The following KIRREL3 variants were observed in gnomAD, a reference collection of about 807,000 sequenced individuals.
The protein encoded by KIRREL3 is kirre like nephrin family adhesion molecule 3, also known as kin of IRRE-like protein 3.
Under a neutral mutation model 89.7 loss-of-function variants are expected in KIRREL3, and 36 were observed. The observed-to-expected ratio is 0.40, with a 90% CI of 0.31 to 0.53. The LOEUF (loss-of-function observed/expected upper bound fraction) is 0.53, where lower values mean the gene tolerates loss of function less well. Among genes scored for constraint, KIRREL3 ranks in the 20% least tolerant of loss-of-function variants. The probability of loss-of-function intolerance (pLI) is 0.49; values close to 1 mark genes in which losing one functional copy is unlikely to be tolerated. For synonymous variants in KIRREL3, 445 were observed against 441.4 expected (o/e 1.01, Z -0.10); for missense variants, 864 against 1,056.6 (o/e 0.82, Z 2.53).
At chr11:126,482,442 T>A (rs1036326837) in intron 4 of KIRREL3, among the ~76,000 whole-genome samples, 1 of 152,236 alleles carries the variant, frequency 6.6e-6, no homozygotes, top group African/African-American at 2.4e-5. Flanking sequence ...CTGCTTAGCT[T>A]CTCTGTGCCT....
At chr11:126,435,897 G>A (rs1167404451) in intron 12 of KIRREL3, among the ~76,000 whole-genome samples, 2 of 151,940 alleles carry the variant, frequency 1.3e-5, no homozygotes, top group African/African-American at 4.8e-5. Flanking sequence ...CAGAGGCCCA[G>A]GCCCAGCTGA....
At chr11:126,600,516 C>G (rs1385958666) in intron 1 of KIRREL3, among the ~76,000 whole-genome samples, 2 of 152,156 alleles carry the variant, frequency 1.3e-5, no homozygotes, top group East Asian at 3.9e-4. Context: ...ACTCTAGGTC[C>G]TTAAACCTTT....
chr11:126,930,344 A>C (rs1482479680), intron 1 of KIRREL3, among the ~76,000 whole-genome samples: 4 of 152,124 alleles, frequency 2.6e-5, no homozygotes, highest in Non-Finnish European at 5.9e-5. Context: ...CTCTCCCACC[A>C]TTCTTTGCGA....
rs1425261146 is a variant in KIRREL3, at chr11:126,441,697, A to G, written c.1253-1148T>C. 6.6e-6 allele frequency among the ~76,000 whole-genome samples: 1 copy of G among 152,238 alleles called. No individual in the cohort carries two copies. The highest frequency in any genetic ancestry group is 1.9e-4 in the East Asian group (1 of 5,202). On this transcript the variant is annotated intron_variant, in intron 10 of 16. Transcript: ENST00000525144. This position sits in a 1 kb window ranked among gnomAD's most constrained non-coding sequence, Gnocchi z 5.0. ...TGCTGTTTATTAGCCACCTTAATTA[A>G]AGCAGATTTGCATTTCTATGAGTAG...
chr11:126,834,715 G>A (rs1266890044), intron 1 of KIRREL3, among the ~76,000 whole-genome samples: 2 of 152,200 alleles, frequency 1.3e-5, no homozygotes, highest in Admixed American at 6.5e-5. Context: ...CCTCACCGGC[G>A]CACCTCATGC....
chr11:126,747,734 G>A lies in KIRREL3; in HGVS notation c.56-184822C>T, dbSNP rs898129306. 9.2e-5 allele frequency among the ~76,000 whole-genome samples: 14 copies of A among 152,212 alleles called. No homozygotes were observed. Among genetic ancestry groups the A allele is most frequent in the African/African-American group, 2.6e-4 (11 of 41,520 alleles). ...GCCTGTCACAGAGTAAGCACTCAGC[G>A]CCGTGAATGAAGGAATGGGGTGAGG... On this transcript the variant is annotated intron_variant, in intron 1 of 16. Coordinates refer to ENST00000525144, the MANE Select transcript of KIRREL3 (RefSeq NM_032531.4). This position sits in a 1 kb window ranked among gnomAD's most constrained non-coding sequence, Gnocchi z 4.7.
At position 126,817,732 on chromosome 11, in the gene KIRREL3, G is replaced by A. The variant is rs1040786756; in HGVS notation, c.55+182723C>T. On this transcript the variant is annotated intron_variant, in intron 1 of 16. Transcript: ENST00000525144. This position sits in a 1 kb window ranked among gnomAD's most constrained non-coding sequence, Gnocchi z 5.7. ...CCCTAACTTGTTCACATCCTGTCAC[G>A]CTAGCTAATGATAGCATTTGTAGGG... Among the ~76,000 whole-genome samples the A allele has an allele frequency of 3.3e-5, 5 of 152,204 alleles. No individual in the cohort carries two copies. Among genetic ancestry groups the A allele is most frequent in the Admixed American group, 6.5e-5 (1 of 15,286 alleles).
chr11:126,426,370 G>A (rs771634733), intron 15 of KIRREL3, among the ~76,000 whole-genome samples: 14 of 152,182 alleles, frequency 9.2e-5, no homozygotes, highest in Non-Finnish European at 1.8e-4. Flanking sequence ...GCTTGTCTCT[G>A]GGTCCTCCCA....
At position 126,489,820 on chromosome 11, in the gene KIRREL3, A is replaced by T. The variant is rs1490890608; in HGVS notation, c.434-16354T>A. 1.3e-5 allele frequency among the ~76,000 whole-genome samples: 2 copies of T among 151,996 alleles called. No individual in the cohort carries two copies. The highest frequency in any genetic ancestry group is 2.9e-5 in the Non-Finnish European group (2 of 67,994). ...TTGATGAGCAACTCACTTGCCATGG[A>T]AAGTGTGTTGTTCATGGCGGATCCT... On this transcript the variant is annotated intron_variant, in intron 4 of 16. Transcript: ENST00000525144. This position sits in a 1 kb window ranked among gnomAD's most constrained non-coding sequence, Gnocchi z 5.5.
In KIRREL3 at chr11:126,880,613, T is replaced by C. The variant is rs570204145; in HGVS notation, c.55+119842A>G. Among the ~76,000 whole-genome samples the C allele has an allele frequency of 1.6e-3, 236 of 151,152 alleles. 1 individual carries two copies. Among genetic ancestry groups the C allele is most frequent in the Middle Eastern group, 0.01 (3 of 294 alleles). On this transcript the variant is annotated intron_variant, in intron 1 of 16. Transcript: ENST00000525144. ...AGAAACCAAGGTAACAATATCCTAT[T>C]TTTCCTTGTTGTCAAAAGTTGTGGT...
chr11:126,748,459 G>A lies in KIRREL3; in HGVS notation c.56-185547C>T, dbSNP rs1053898426. 1.3e-5 allele frequency among the ~76,000 whole-genome samples: 2 copies of A among 152,208 alleles called. No individual in the cohort carries two copies. The highest frequency in any genetic ancestry group is 4.8e-5 in the African/African-American group (2 of 41,456). The stretch of plus-strand genomic sequence containing the variant: ...ATCAATAATTCTTGAGCTTGCCTAC[G>A]GCGAGAATTATTCCCAGCAGGCGTT... On this transcript the variant is annotated intron_variant, in intron 1 of 16. Transcript: ENST00000525144. The surrounding 1 kb of genome is among the most constrained non-coding windows in gnomAD (Gnocchi z 4.6).
rs1158659245 is a variant in KIRREL3, at chr11:126,995,163, A to C, written c.55+5292T>G. ...ACGAATAGCTGTGATGGGATATGAA[A>C]TCCAAGGGAACTGTTAGCCCCCCAG... On this transcript the variant is annotated intron_variant, in intron 1 of 16. Coordinates refer to ENST00000525144, the MANE Select transcript of KIRREL3 (RefSeq NM_032531.4). The surrounding 1 kb of genome is among the most constrained non-coding windows in gnomAD (Gnocchi z 6.5). The C allele has an allele frequency of 2.2e-6, 1 of 455,730 alleles. No homozygotes were observed. The highest frequency in any genetic ancestry group is 2.4e-5 in the Admixed American group (1 of 42,534). 28.2% of individuals were successfully genotyped at this position (455,730 alleles called of 1,614,324 possible). A position where few individuals can be genotyped will look rare whatever the true frequency, so the allele number is the denominator to read the frequency against.
rs1948414077 is a variant in KIRREL3 at position 126,940,774 on chromosome 11, C to T, written c.55+59681G>A. On this transcript the variant is annotated intron_variant, in intron 1 of 16. Coordinates refer to ENST00000525144, the MANE Select transcript of KIRREL3 (RefSeq NM_032531.4). This position sits in a 1 kb window ranked among gnomAD's most constrained non-coding sequence, Gnocchi z 4.6. ...TTAGCCTTGTCCCTACCTCTTTACTCCTCTGTAGGCAGTAATTCTTTTTTC... is the reference window on the plus strand; with the variant it reads ...TTAGCCTTGTCCCTACCTCTTTACTTCTCTGTAGGCAGTAATTCTTTTTTC... The T allele has an allele frequency of 6.6e-6, 1 of 152,194 alleles. No individual in the cohort carries two copies. Among genetic ancestry groups the T allele is most frequent in the Non-Finnish European group, 1.5e-5 (1 of 68,068 alleles). 9.4% of individuals were successfully genotyped at this position (152,194 alleles called of 1,614,324 possible).
At chr11:126,836,962 C>T (rs1001992154) in intron 1 of KIRREL3, among the ~76,000 whole-genome samples, 1 of 151,916 alleles carries the variant, frequency 6.6e-6, no homozygotes, top group Non-Finnish European at 1.5e-5. Context: ...CAGTGTGGTC[C>T]TTGCTTTGGT....
chr11:126,972,538 C>G (rs1321439876), intron 1 of KIRREL3, among the ~76,000 whole-genome samples: 3 of 152,166 alleles, frequency 2.0e-5, no homozygotes, highest in Admixed American at 1.3e-4. Flanking sequence ...GCAGAGCTGG[C>G]TGCTGTGGAA....
rs1213262291 is a variant in KIRREL3, at chr11:126,900,268, G to A, written c.55+100187C>T. ...CACTTGAATTATTCAAACCAAAGAC[G>A]CCTTCACCACCAATGATCAGAGGAA... is the stretch of plus-strand genomic sequence containing the variant. On this transcript the variant is annotated intron_variant, in intron 1 of 16. Transcript: ENST00000525144. This position sits in a 1 kb window ranked among gnomAD's most constrained non-coding sequence, Gnocchi z 4.4. Among the ~76,000 whole-genome samples, 1 of 152,130 alleles carries A rather than the reference G, an allele frequency of 6.6e-6. No homozygotes were observed. The highest frequency in any genetic ancestry group is 1.5e-5 in the Non-Finnish European group (1 of 68,020).
chr11:126,828,970 C>G (rs1946070), intron 1 of KIRREL3, among the ~76,000 whole-genome samples: 131,341 of 152,130 alleles, frequency 0.86, 57,047 homozygotes, highest in East Asian at 1. Flanking sequence ...GAGGCCACTG[C>G]TGTGATTCCT....
rs1379470083 is a variant in KIRREL3, at chr11:126,773,756, T to C, written c.56-210844A>G. Among the ~76,000 whole-genome samples the C allele has an allele frequency of 6.6e-6, 1 of 152,212 alleles. No individual in the cohort carries two copies. The highest frequency in any genetic ancestry group is 1.5e-5 in the Non-Finnish European group (1 of 68,034). On this transcript the variant is annotated intron_variant, in intron 1 of 16. Coordinates refer to ENST00000525144, the MANE Select transcript of KIRREL3 (RefSeq NM_032531.4). The surrounding 1 kb of genome is among the most constrained non-coding windows in gnomAD (Gnocchi z 4.2). ...GGCCCACATATATTATTTATCTCTATTATTGCAGCCCCAAATACTGAATCT... is the reference window on the plus strand; with the variant it reads ...GGCCCACATATATTATTTATCTCTACTATTGCAGCCCCAAATACTGAATCT...
Position 126,647,050 on chromosome 11 carries a change from A to C in KIRREL3, c.56-84138T>G, listed in dbSNP as rs1944718005. Among the ~76,000 whole-genome samples, 1 of 152,232 alleles carries C rather than the reference A, an allele frequency of 6.6e-6. No homozygotes were observed. The highest frequency in any genetic ancestry group is 2.4e-5 in the African/African-American group (1 of 41,458). ...ACAGCAATTTAGTAATGATGATGAC[A>C]CTTAAGCATTTAGAAAGTATTACTC... On this transcript the variant is annotated intron_variant, in intron 1 of 16. Transcript: ENST00000525144. This position sits in a 1 kb window ranked among gnomAD's most constrained non-coding sequence, Gnocchi z 4.9.
Sources: gnomAD v4.1 joint callset for allele counts (sites outside exome capture counted in the v4.1 genomes callset) on GRCh38, gnomAD v4.1.1 for gene constraint, Gnocchi (gnomAD v3.1) non-coding constraint, MANE v1.5 for transcripts, NCBI Gene and HGNC (gene_info 2026-07-23, HGNC 2026-07-21) for gene names.